The following LAMA5 variants were observed in gnomAD, a reference collection of about 807,000 sequenced individuals.
LAMA5 encodes laminin subunit alpha 5, also known as laminin subunit alpha-5.
Under a neutral mutation model 433.4 loss-of-function variants are expected in LAMA5, and 260 were observed. The ratio of observed to expected loss-of-function variants is 0.60; its 90% CI spans 0.54 to 0.66. The LOEUF is 0.66. LAMA5 is among the 30% of genes least tolerant of loss of function. The pLI is 0.00. For synonymous variants in LAMA5, 2,620 were observed against 2,226.6 expected (o/e 1.18, Z -4.97); for missense variants, 5,378 against 5,258.5 (o/e 1.02, Z -0.70).
In LAMA5 at chr20:62,320,686, G is replaced by A; in HGVS notation, c.6649-17C>T. On this transcript the variant is annotated splice_polypyrimidine_tract_variant and intron_variant, in intron 49 of 79. Transcript: ENST00000252999. Reference sequence around the variant, plus strand: ...GAGCTGGCTCTGTGGGAGGCGAAAGGTGAAGGCCTGCACTGGCCCGGGTTG... The same window carrying A: ...GAGCTGGCTCTGTGGGAGGCGAAAGATGAAGGCCTGCACTGGCCCGGGTTG... 10 of 1,611,636 alleles carry A rather than the reference G, an allele frequency of 6.2e-6. No individual in the cohort carries two copies. The highest frequency in any genetic ancestry group is 8.5e-6 in the Non-Finnish European group (10 of 1,179,482).
In LAMA5 at chr20:62,316,022, C is replaced by G; in HGVS notation, c.7793G>C (p.Arg2598Pro). The change falls in exon 58 of 80, where the codon CGA becomes CCA. Residue 2598 changes from arginine to proline, a missense_variant. Arg to Pro is a moderately radical substitution (Grantham distance 103, BLOSUM62 -2). Transcript: ENST00000252999. ...CTGGTCCTTCTTGGCCCGGACATCTCGGAGCTGGGTCCTGGCACCCTGGAG... is the reference window on the plus strand; with the variant it reads ...CTGGTCCTTCTTGGCCCGGACATCTGGGAGCTGGGTCCTGGCACCCTGGAG... Reference protein sequence around the residue: ...AALQGARTQLRDVRAKKDQLE... With the variant: ...AALQGARTQLPDVRAKKDQLE... 6.2e-7 allele frequency: 1 copy of G among 1,609,604 alleles called. No homozygotes were observed. The highest frequency in any genetic ancestry group is 8.5e-7 in the Non-Finnish European group (1 of 1,179,462).
At position 62,317,088 on chromosome 20, in the gene LAMA5, C is replaced by A. The variant is rs181747604; in HGVS notation, c.7512-65G>T. ...GACGCCCTCGGCCTGGCTCTCCAGC[C>A]TCCTGCGCTCACAACCAGCCGTGCC... is the stretch of plus-strand genomic sequence containing the variant. On this transcript the variant is annotated intron_variant, in intron 55 of 79. Transcript: ENST00000252999. 920 of 1,466,910 alleles carry A rather than the reference C, an allele frequency of 6.3e-4. 5 individuals are homozygous for A. In the African/African-American group the frequency reaches 0.012, roughly 19 times the overall value. The allele number at this position is 1,466,910 out of a possible 1,614,324, so 90.9% of individuals were successfully genotyped here. A position where few individuals can be genotyped will look rare whatever the true frequency, so the allele number is the denominator to read the frequency against.
chr20:62,333,999 A>G lies in LAMA5; in HGVS notation c.2780T>C (p.Leu927Pro), dbSNP rs763032680. ...GACGTATCGGAAGACGAGCCAGAAA[A>G]GGTCAGGGGAGGTCAGGTTCAGCCT... ...VARLNLTSPD[L>P]FWLVFRYVNR... The change falls in exon 23 of 80, where the codon CTT becomes CCT. Residue 927 changes from leucine to proline, a missense_variant. Transcript: ENST00000252999. 15 of 1,612,862 alleles carry G rather than the reference A, an allele frequency of 9.3e-6. No homozygotes were observed. In the South Asian group the frequency reaches 1.6e-4, roughly 18 times the overall value.
At position 62,314,966 on chromosome 20, in the gene LAMA5, G is replaced by A; in HGVS notation, c.8048-19C>T. 6.3e-7 allele frequency: 1 copy of A among 1,584,598 alleles called. No individual in the cohort carries two copies. Among genetic ancestry groups the A allele is most frequent in the Non-Finnish European group, 8.6e-7 (1 of 1,169,322 alleles). Reference sequence around the variant, plus strand: ...GTGGACACTGCAGAGAGGGAGACCTGAGACCTTTGCCCCCCACCGTGCCCG... The same window carrying A: ...GTGGACACTGCAGAGAGGGAGACCTAAGACCTTTGCCCCCCACCGTGCCCG... On this transcript the variant is annotated intron_variant, in intron 59 of 79. Coordinates refer to ENST00000252999, the MANE Select transcript of LAMA5 (RefSeq NM_005560.6).
At chr20:62,319,479 C>T (rs1014799993) in intron 51 of LAMA5, among the ~76,000 whole-genome samples, 1 of 152,134 alleles carries the variant, frequency 6.6e-6, no homozygotes, top group African/African-American at 2.4e-5. Flanking sequence ...AGGGGTCTGA[C>T]GTCTCCCGGG....
At chr20:62,323,032 T>C (rs7269717) in intron 45 of LAMA5, among the ~76,000 whole-genome samples, 34,199 of 126,832 alleles carry the variant, frequency 0.27, 4,152 homozygotes, top group African/African-American at 0.29. Context: ...TGTCTAACCA[T>C]GAGGGGGGAC....
In LAMA5 at chr20:62,336,759, G is replaced by A. The variant is rs554540775; in HGVS notation, c.2192C>T (p.Ala731Val). The change falls in exon 17 of 80, where the codon GCC becomes GTC. Residue 731 changes from alanine to valine, a missense_variant. Ala to Val is a moderately conservative substitution (Grantham distance 64). Coordinates refer to ENST00000252999, the MANE Select transcript of LAMA5 (RefSeq NM_005560.6). Reference protein sequence around the residue: ...EAGSCHPAGLAPVDPALPEAQ... With the variant: ...EAGSCHPAGLVPVDPALPEAQ... ...CTCAGGAAGGGCAGGATCCACTGGGGCCAGACCGGCAGGGTGGCAAGAGCC... is the reference window on the plus strand; with the variant it reads ...CTCAGGAAGGGCAGGATCCACTGGGACCAGACCGGCAGGGTGGCAAGAGCC... 1 of 1,613,058 alleles carries A rather than the reference G, an allele frequency of 6.2e-7. No individual in the cohort carries two copies. The highest frequency in any genetic ancestry group is 8.5e-7 in the Non-Finnish European group (1 of 1,179,996).
At chr20:62,323,127 G>T (rs1274619926) in intron 45 of LAMA5, among the ~76,000 whole-genome samples, 1 of 146,046 alleles carries the variant, frequency 6.8e-6, no homozygotes, top group African/African-American at 2.5e-5. Flanking sequence ...GGTGAAGGTG[G>T]GGGCCTGATC....
Position 62,316,883 on chromosome 20 carries a change from G to C in LAMA5, c.7652C>G (p.Ala2551Gly). The C allele has an allele frequency of 6.5e-7, 1 of 1,529,956 alleles. No homozygotes were observed. Among genetic ancestry groups the C allele is most frequent in the Non-Finnish European group, 8.8e-7 (1 of 1,137,496 alleles). 94.8% of individuals were successfully genotyped at this position (1,529,956 alleles called of 1,614,324 possible). A position where few individuals can be genotyped will look rare whatever the true frequency, so the allele number is the denominator to read the frequency against. Residue 2551 changes from alanine to glycine, a missense_variant and splice_region_variant, in exon 56 of 80, where the codon GCG (alanine) becomes GGG (glycine). Coordinates refer to ENST00000252999, the MANE Select transcript of LAMA5 (RefSeq NM_005560.6). ...CTGAGGGGAAGTGAGGGGCCTCACC[G>C]CCCACGTGTGGTCCGCCTGCTGCAG... ...QALQQADHTW[A>G]TVVRQGLVDR...
At chr20:62,321,730 T>TGGAGGGGTGGGGCCAGC (rs1250544622) in intron 48 of LAMA5, among the ~76,000 whole-genome samples, 14 of 7,896 alleles carry the variant, frequency 1.8e-3, no homozygotes, top group Admixed American at 7.4e-3. Context: ...GTGGGGTCAG[T>TGGAGGGGTGGGGCCAGC]GGAGGGGTGG....
intron 35 of LAMA5, 47 bp downstream of exon 35, chr20:62,328,193 GT>G (rs1979658565): frequency 6.5e-7 from 1 of 1,538,692 alleles, no homozygotes; most frequent in Non-Finnish European, 8.8e-7. Context: ...AGGAAATGCT[GT>G]CCTTAAGGCC....
At position 62,312,880 on chromosome 20, in the gene LAMA5, G is replaced by A. The variant is rs753280982; in HGVS notation, c.9078+8C>T. On this transcript the variant is annotated splice_region_variant and intron_variant, in intron 66 of 79. Coordinates refer to ENST00000252999, the MANE Select transcript of LAMA5 (RefSeq NM_005560.6). ...TCCCTGCCACCCTGGTCCCCACCCT[G>A]GCCCTACCGCCTTGCTGGCCGAGGT... The A allele has an allele frequency of 2.5e-6, 4 of 1,593,228 alleles. No homozygotes were observed. Among genetic ancestry groups the A allele is most frequent in the Non-Finnish European group, 3.4e-6 (4 of 1,168,642 alleles).
chr20:62,352,137 TC>T (rs1481477295), intron 4 of LAMA5, 58 bp from the exon 5 acceptor site: 1 of 1,588,762 alleles, frequency 6.3e-7, no homozygotes, highest in Admixed American at 1.7e-5. Context: ...GCACTGCCCC[TC>T]CCGGGCCCAC....
In LAMA5 at chr20:62,362,551, C is replaced by A; in HGVS notation, c.299G>T (p.Gly100Val). 1.3e-6 allele frequency: 2 copies of A among 1,560,400 alleles called. No individual in the cohort carries two copies. Among genetic ancestry groups the A allele is most frequent in the Admixed American group, 1.8e-5 (1 of 54,718 alleles). ...AGCCGTGCAGATGTCACAGTACTGG[C>A]CCTGCAGAGGGAACGGGAGGGTCAG... Reference protein sequence around the residue: ...AGGDPNQTIRGQYCDICTAAN... With the variant: ...AGGDPNQTIRVQYCDICTAAN... Residue 100 changes from glycine to valine, a missense_variant and splice_region_variant, in exon 2 of 80, where the codon GGC becomes GTC. Gly to Val is a moderately radical substitution (Grantham distance 109). Transcript: ENST00000252999.
chr20:62,348,330 C>G (rs149610606), intron 6 of LAMA5, among the ~76,000 whole-genome samples: 1 of 152,208 alleles, frequency 6.6e-6, no homozygotes, highest in Non-Finnish European at 1.5e-5. Context: ...ATAGGCCGGG[C>G]GCAGTGGCTC....
At chr20:62,312,379 A>T in intron 68 of LAMA5, 21 bp downstream of exon 68, 1 of 1,599,574 alleles carries the variant, frequency 6.3e-7, no homozygotes, top group Non-Finnish European at 8.5e-7. Context: ...TGCCACCCCC[A>T]GCCCGGGGAG....
chr20:62,311,136 C>A (rs760170171), intron 73 of LAMA5, 26 bp downstream of exon 73: 1 of 1,564,478 alleles, frequency 6.4e-7, no homozygotes, highest in East Asian at 2.3e-5. Flanking sequence ...CCCCTCTCAG[C>A]CCACCCCAGC....
At chr20:62,345,065 G>A (rs995376102) in intron 11 of LAMA5, among the ~76,000 whole-genome samples, 3 of 151,454 alleles carry the variant, frequency 2.0e-5, no homozygotes, top group South Asian at 2.1e-4. Context: ...TTGCCCAGGC[G>A]GGGGTGCAGT....
At position 62,352,498 on chromosome 20, in the gene LAMA5, G is replaced by A. The variant is rs568371351; in HGVS notation, c.569-138C>T. ...AAGAGGCCGCGTGACAGAGACCACA[G>A]CTCACTGGCTGAAGGGGCCTGGCCC... On this transcript the variant is annotated intron_variant, in intron 3 of 79. Coordinates refer to ENST00000252999, the MANE Select transcript of LAMA5 (RefSeq NM_005560.6). The A allele has an allele frequency of 4.6e-5, 30 of 647,014 alleles. No homozygotes were observed. The South Asian group carries it at 5.2e-4, about 11-fold the overall frequency. The allele number at this position is 647,014 out of a possible 1,614,324, so 40.1% of individuals were successfully genotyped here.
Sources: gnomAD v4.1 joint callset for allele counts (sites outside exome capture counted in the v4.1 genomes callset) on GRCh38, gnomAD v4.1.1 for gene constraint, MANE v1.5 for transcripts, NCBI Gene and HGNC (gene_info 2026-07-23, HGNC 2026-07-21) for gene names.